Variants in ZNF804B observed in about 807,000 individuals in gnomAD.
The protein encoded by ZNF804B is zinc finger 804B.
In ZNF804B, 80 loss-of-function variants were observed where a neutral mutation model predicts 101.4. The observed-to-expected ratio is 0.79, with a 90% confidence interval of 0.66 to 0.95. The LOEUF (loss-of-function observed/expected upper bound fraction) is 0.95, where lower values mean the gene tolerates loss of function less well. Among genes scored for constraint, ZNF804B ranks in the 40% least tolerant of loss-of-function variants. The probability of loss-of-function intolerance (pLI) is 0.00; values close to 1 mark genes in which losing one functional copy is unlikely to be tolerated. For missense variants in ZNF804B, 1,673 were observed against 1,561.9 expected (o/e 1.07, Z -1.20); for synonymous variants, 622 against 558.8 (o/e 1.11, Z -1.59).
chr7:89,085,161 A>C (rs1276493824), intron 1 of ZNF804B, among the ~76,000 whole-genome samples: 1 of 151,862 alleles, frequency 6.6e-6, no homozygotes, highest in African/African-American at 2.4e-5. Flanking sequence ...AGCTCTTTTG[A>C]AAAATCGAAG....
intron 1 of ZNF804B, among the ~76,000 whole-genome samples, chr7:88,896,016 G>A (rs1792278084): frequency 1.3e-5 from 2 of 152,158 alleles, no homozygotes; most frequent in Admixed American, 6.6e-5. Flanking sequence ...ATTTCAAAGA[G>A]TAGAGTAATG....
intron 1 of ZNF804B, among the ~76,000 whole-genome samples, chr7:88,767,115 C>T (rs534815417): frequency 1.5e-4 from 23 of 152,236 alleles, no homozygotes; most frequent in African/African-American, 5.5e-4. Flanking sequence ...TTTTGGTTCA[C>T]ACATAAATGT....
chr7:88,994,948 T>G (rs1301320348), intron 1 of ZNF804B, among the ~76,000 whole-genome samples: 1 of 152,098 alleles, frequency 6.6e-6, no homozygotes, highest in Non-Finnish European at 1.5e-5. Context: ...TGGAGTTGCA[T>G]CAACACACAC....
intron 1 of ZNF804B, among the ~76,000 whole-genome samples, chr7:88,934,176 A>G (rs371636587): frequency 5.9e-5 from 9 of 152,146 alleles, no homozygotes; most frequent in African/African-American, 2.2e-4. Context: ...AGGATAATCT[A>G]TTCAATAAAT....
intron 1 of ZNF804B, among the ~76,000 whole-genome samples, chr7:89,006,522 T>G (rs969609721): frequency 1.3e-5 from 2 of 152,038 alleles, no homozygotes; most frequent in Admixed American, 6.6e-5. Context: ...TTGTATGGAG[T>G]AAAACTTTGA....
rs1172168545 is a variant in ZNF804B, at chr7:89,333,491, G to C, written c.509G>C (p.Gly170Ala). ...SCMKSALLLK[G>A]KNLPRIISDK... is the part of the protein sequence containing the mutation. The stretch of plus-strand genomic sequence containing the variant: ...ATGAAGAGTGCTCTTCTCCTTAAAG[G>C]AAAAAATCTCCCCAGAATCATATCC... Residue 170 changes from glycine to alanine, a missense_variant, in exon 4 of 4, where the codon GGA (glycine) becomes GCA (alanine). Physicochemically the swap from Gly to Ala is moderately conservative, Grantham distance 60 (BLOSUM62 0). Coordinates refer to ENST00000333190, the MANE Select transcript of ZNF804B (RefSeq NM_181646.5). 1.2e-6 allele frequency: 2 copies of C among 1,613,092 alleles called. No homozygotes were observed. The highest frequency in any genetic ancestry group is 1.7e-6 in the Non-Finnish European group (2 of 1,179,568).
chr7:89,140,858 G>A (rs1267977967), intron 1 of ZNF804B, among the ~76,000 whole-genome samples: 2 of 151,934 alleles, frequency 1.3e-5, no homozygotes, highest in African/African-American at 4.8e-5. Flanking sequence ...CTAACAGCTT[G>A]GCTAAGTGTT....
rs1311394302 is a variant in ZNF804B, at chr7:89,329,525, C to A, written c.380+2051C>A. Among the ~76,000 whole-genome samples the A allele has an allele frequency of 2.0e-5, 3 of 151,704 alleles. No homozygotes were observed. In the East Asian group the frequency reaches 5.8e-4, roughly 29 times the overall value. ...GGATGATCCAGGTAACACAATTCTTCTGTGACCCTTTGGGAGAAGAGAGGT... is the reference window on the plus strand; with the variant it reads ...GGATGATCCAGGTAACACAATTCTTATGTGACCCTTTGGGAGAAGAGAGGT... On this transcript the variant is annotated intron_variant, in intron 3 of 3. Transcript: ENST00000333190.
intron 1 of ZNF804B, among the ~76,000 whole-genome samples, chr7:89,049,893 T>C (rs1182949609): frequency 6.6e-6 from 1 of 152,070 alleles, no homozygotes; most frequent in African/African-American, 2.4e-5. Context: ...GTGCCTGTAG[T>C]CCCAGCTACT....
chr7:88,772,967 T>C (rs1189006604), intron 1 of ZNF804B, among the ~76,000 whole-genome samples: 1 of 152,190 alleles, frequency 6.6e-6, no homozygotes, highest in Non-Finnish European at 1.5e-5. Flanking sequence ...GCTTTTGGCA[T>C]AAGCCCAGAA....
intron 1 of ZNF804B, among the ~76,000 whole-genome samples, chr7:88,937,449 T>G (rs78260753): frequency 0.099 from 15,114 of 152,126 alleles, 949 homozygotes; most frequent in South Asian, 0.17. Flanking sequence ...CTATTTAATC[T>G]AGGGATTTGA....
intron 1 of ZNF804B, among the ~76,000 whole-genome samples, chr7:88,996,961 G>A (rs572831869): frequency 6.4e-4 from 98 of 152,102 alleles, no homozygotes; most frequent in Non-Finnish European, 9.9e-4. Flanking sequence ...AGTTATGTGC[G>A]CATGGTGTGT....
At chr7:89,099,976 G>C (rs1011212205) in intron 1 of ZNF804B, among the ~76,000 whole-genome samples, 5 of 152,052 alleles carry the variant, frequency 3.3e-5, no homozygotes, top group Non-Finnish European at 7.4e-5. Flanking sequence ...TGAAAGAAGA[G>C]GTAAATCTCT....
At chr7:89,282,359 A>G (rs1475704238) in intron 2 of ZNF804B, among the ~76,000 whole-genome samples, 5 of 152,162 alleles carry the variant, frequency 3.3e-5, no homozygotes, top group Admixed American at 2.0e-4. Flanking sequence ...AGAGAGGCTA[A>G]TTACTACCTA....
At chr7:89,100,826 T>G (rs74818978) in intron 1 of ZNF804B, among the ~76,000 whole-genome samples, 446 of 152,116 alleles carry the variant, frequency 2.9e-3, no homozygotes, top group Middle Eastern at 0.01. Context: ...TAACAAATTA[T>G]CTCACATACT....
chr7:88,987,686 C>A (rs999057547), intron 1 of ZNF804B, among the ~76,000 whole-genome samples: 2 of 152,042 alleles, frequency 1.3e-5, no homozygotes, highest in East Asian at 1.9e-4. Context: ...TACAAGCATA[C>A]AATGTGTAAC....
chr7:89,028,893 A>G (rs1205421974), intron 1 of ZNF804B, among the ~76,000 whole-genome samples: 3 of 152,144 alleles, frequency 2.0e-5, no homozygotes, highest in Non-Finnish European at 4.4e-5. Context: ...GATAATTATT[A>G]TTATCAAGCA....
At chr7:88,903,691 C>T (rs1286639388) in intron 1 of ZNF804B, among the ~76,000 whole-genome samples, 2 of 152,028 alleles carry the variant, frequency 1.3e-5, no homozygotes, top group Non-Finnish European at 2.9e-5. Context: ...TTGATTTGCA[C>T]TTCCCTGATG....
chr7:89,011,928 C>T (rs1788470184), intron 1 of ZNF804B, among the ~76,000 whole-genome samples: 1 of 152,104 alleles, frequency 6.6e-6, no homozygotes, highest in African/African-American at 2.4e-5. Flanking sequence ...GGGGATCAAA[C>T]CCTACATTTT....
Sources: allele counts gnomAD v4.1 joint callset (sites outside exome capture counted in the v4.1 genomes callset), GRCh38; gene constraint gnomAD v4.1.1; transcripts MANE v1.5; gene names NCBI Gene and HGNC (gene_info 2026-07-23, HGNC 2026-07-21).